LAMC3: variants seen among roughly 807,000 people sequenced by gnomAD.
The protein encoded by LAMC3 is laminin subunit gamma-3.
In LAMC3, 128 loss-of-function variants were observed where a neutral mutation model predicts 173.8. The observed-to-expected ratio is 0.74, with a 90% CI of 0.64 to 0.85. The LOEUF is 0.85. Among genes scored for constraint, LAMC3 ranks in the 40% least tolerant of loss-of-function variants. LAMC3 has a pLI of 0.00. For synonymous variants in LAMC3, 897 were observed against 909.1 expected (o/e 0.99, Z 0.24); for missense variants, 2,022 against 2,156.0 (o/e 0.94, Z 1.23).
chr9:131,037,027 C>T (rs2133249338), intron 4 of LAMC3, among the ~76,000 whole-genome samples: 1 of 152,338 alleles, frequency 6.6e-6, no homozygotes, highest in East Asian at 1.9e-4. Flanking sequence ...GCCTCTGGAC[C>T]CCGCTGTCCT....
chr9:131,083,039 G>C (rs1830267979), intron 24 of LAMC3, among the ~76,000 whole-genome samples: 2 of 152,210 alleles, frequency 1.3e-5, no homozygotes, highest in African/African-American at 4.8e-5. Context: ...AGGCGTGGCC[G>C]TGTGTGCTTA....
chr9:131,058,294 T>A (rs1426216506), intron 12 of LAMC3, among the ~76,000 whole-genome samples: 2 of 152,046 alleles, frequency 1.3e-5, no homozygotes, highest in African/African-American at 2.4e-5. Flanking sequence ...TTTTATATTT[T>A]CAGTAGAGAT....
At chr9:131,047,322 G>A (rs1209741210) in intron 8 of LAMC3, among the ~76,000 whole-genome samples, 3 of 150,710 alleles carry the variant, frequency 2.0e-5, no homozygotes, top group Non-Finnish European at 3.0e-5. Context: ...CCACCACCAC[G>A]CCCAGCTTAT....
At chr9:131,037,612 C>G (rs767542307) in intron 4 of LAMC3, among the ~76,000 whole-genome samples, 1 of 152,024 alleles carries the variant, frequency 6.6e-6, no homozygotes, top group Non-Finnish European at 1.5e-5. Flanking sequence ...CGTGTTCCTC[C>G]TACCTCAGCC....
In LAMC3 at chr9:131,009,234, TG is replaced by T; in HGVS notation, c.21del (p.Leu8TrpfsTer117). MAAAAL[L>X]LGLALLAPRA... is the part of the protein sequence containing the mutation. ...TTGACCATGGCGGCGGCTGCGCTTC[TG>T]CTGGGGCTGGCGCTGCTGGCACCGC... On this transcript the variant is annotated frameshift_variant, in exon 1 of 28. Transcript: ENST00000361069. LOFTEE classifies it high-confidence loss of function. The surrounding 1 kb of genome is among the most constrained non-coding windows in gnomAD (Gnocchi z 4.3). 8.0e-7 allele frequency: 1 copy of T among 1,250,698 alleles called. No homozygotes were observed. The highest frequency in any genetic ancestry group is 1.0e-6 in the Non-Finnish European group (1 of 1,002,108). The allele number at this position is 1,250,698 out of a possible 1,614,324, so 77.5% of individuals were successfully genotyped here.
chr9:131,023,287 A>G (rs2133221281), intron 1 of LAMC3, among the ~76,000 whole-genome samples: 1 of 152,308 alleles, frequency 6.6e-6, no homozygotes, highest in Admixed American at 6.5e-5. Flanking sequence ...TCTTGGGTAT[A>G]TGCTGAGGAG....
chr9:131,009,582 G>C lies in LAMC3; in HGVS notation c.368G>C (p.Arg123Pro). 6.4e-7 allele frequency: 1 copy of C among 1,570,672 alleles called. No homozygotes were observed. The highest frequency in any genetic ancestry group is 1.2e-5 in the South Asian group (1 of 85,288). ...CCCACCTCGGTCAACATCACCCTCC[G>C]CCTAGGTAAGCGCGGGCTGGGGGCA... is the stretch of plus-strand genomic sequence containing the variant. ...QYPTSVNITL[R>P]LGKAYEITYV... The change falls in exon 1 of 28, where the codon CGC becomes CCC. Residue 123 changes from arginine (R) to proline (P), a missense_variant. Physicochemically the swap from Arg to Pro is moderately radical, Grantham distance 103. Transcript: ENST00000361069. This position sits in a 1 kb window ranked among gnomAD's most constrained non-coding sequence, Gnocchi z 4.3.
intron 4 of LAMC3, among the ~76,000 whole-genome samples, chr9:131,038,193 C>A (rs975849493): frequency 6.6e-6 from 1 of 152,246 alleles, no homozygotes; most frequent in Non-Finnish European, 1.5e-5. Context: ...CTTGTCCCAC[C>A]ACCCCAGCAC....
chr9:131,032,580 CT>C (rs1833856003), intron 3 of LAMC3, among the ~76,000 whole-genome samples: 2 of 141,518 alleles, frequency 1.4e-5, no homozygotes, highest in Non-Finnish European at 3.0e-5. Flanking sequence ...CTCTCTCTCG[CT>C]TGCTCTCTTT....
At position 131,087,810 on chromosome 9, in the gene LAMC3, C is replaced by T; in HGVS notation, c.4470C>T (p.Ala1490=). The change falls in exon 27 of 28, where the codon GCC becomes GCT. Residue 1490 remains alanine (A), a synonymous_variant. Coordinates refer to ENST00000361069, the MANE Select transcript of LAMC3 (RefSeq NM_006059.4). ...KDIETLSELL[A]RLGSLDTHQA... ...TCGAGACCTTGTCAGAGCTGCTTGC[C>T]AGGCTGGGTAAGGAGGCCCTAAGGC... The T allele has an allele frequency of 1.2e-6, 2 of 1,613,960 alleles. No individual in the cohort carries two copies.
chr9:131,037,994 G>A (rs188460867), intron 4 of LAMC3, among the ~76,000 whole-genome samples: 33 of 152,264 alleles, frequency 2.2e-4, no homozygotes, highest in Admixed American at 1.2e-3. Flanking sequence ...GCCATCACAC[G>A]ACATGCCGTC....
chr9:131,041,767 G>T lies in LAMC3; in HGVS notation c.1382+32G>T, dbSNP rs762340663. 18 of 1,587,400 alleles carry T rather than the reference G, an allele frequency of 1.1e-5. No individual in the cohort carries two copies. In the African/African-American group the frequency reaches 1.2e-4, roughly 11 times the overall value. ...GAGCTAATCCAGCAGTAAGCTTGCT[G>T]GAAGTGACCTGGGGGCTCACTGATG... On this transcript the variant is annotated intron_variant, in intron 7 of 27. Coordinates refer to ENST00000361069, the MANE Select transcript of LAMC3 (RefSeq NM_006059.4).
chr9:131,068,824 G>A, intron 15 of LAMC3, 84 bp from the exon 16 acceptor site: 5 of 1,506,238 alleles, frequency 3.3e-6, no homozygotes, highest in Non-Finnish European at 3.7e-6. Context: ...TGTGATCTGA[G>A]GCCCCAGCCA....
chr9:131,086,902 A>AAG (rs1830341952), intron 25 of LAMC3, among the ~76,000 whole-genome samples: 1 of 149,884 alleles, frequency 6.7e-6, no homozygotes, highest in African/African-American at 2.5e-5. Flanking sequence ...AAAAAAAAAG[A>AAG]AAAAAAAGAT....
At chr9:131,014,131 G>A (rs1833476458) in intron 1 of LAMC3, among the ~76,000 whole-genome samples, 2 of 152,238 alleles carry the variant, frequency 1.3e-5, no homozygotes. Flanking sequence ...GACTAATCCA[G>A]GAGATGCAGG....
intron 16 of LAMC3, among the ~76,000 whole-genome samples, chr9:131,069,346 G>T (rs1165728172): frequency 3.3e-5 from 5 of 152,120 alleles, no homozygotes; most frequent in African/African-American, 1.2e-4. Flanking sequence ...TCCCAGACGC[G>T]CTGTTAAGTG....
At chr9:131,036,093 T>G in intron 3 of LAMC3, 73 bp from the exon 4 acceptor site, 7 of 1,516,736 alleles carry the variant, frequency 4.6e-6, no homozygotes, top group Middle Eastern at 4.4e-4. Context: ...AAACAGGGGC[T>G]ACCTGGTGAC....
chr9:131,075,825 A>G lies in LAMC3; in HGVS notation c.3495-6A>G. 6.2e-7 allele frequency: 1 copy of G among 1,609,010 alleles called. No homozygotes were observed. On this transcript the variant is annotated splice_region_variant and splice_polypyrimidine_tract_variant and intron_variant, in intron 20 of 27. Transcript: ENST00000361069. ...TGGTAATGCTCAGGTGGGTGTCCTC[A>G]CACAGCCACAGAGACACCGCCACCA...
At position 131,017,673 on chromosome 9, in the gene LAMC3, G is replaced by A. The variant is rs143943398; in HGVS notation, c.373+8086G>A. ...CCGGAGGCAGAGGTTGCAGTGAGCC[G>A]AGATCGGGCCATTGCACTGCAGCCT... On this transcript the variant is annotated intron_variant, in intron 1 of 27. Coordinates refer to ENST00000361069, the MANE Select transcript of LAMC3 (RefSeq NM_006059.4). Among the ~76,000 whole-genome samples, 461 of 138,522 alleles carry A rather than the reference G, an allele frequency of 3.3e-3. 3 individuals carry two copies. The highest frequency in any genetic ancestry group is 0.01 in the African/African-American group (370 of 36,758). 90.9% of individuals were successfully genotyped at this position (138,522 alleles called of 152,430 possible).
Sources: allele counts gnomAD v4.1 joint callset (sites outside exome capture counted in the v4.1 genomes callset), GRCh38; gene constraint gnomAD v4.1.1; non-coding constraint Gnocchi (gnomAD v3.1); transcripts MANE v1.5; gene names NCBI Gene and HGNC (gene_info 2026-07-23, HGNC 2026-07-21).